Variants in SHC3 observed in about 807,000 individuals in gnomAD.
SHC3 encodes the protein SHC adaptor protein 3, also known as SHC-transforming protein 3.
SHC3 carries 15 observed loss-of-function variants against 60.4 expected under a neutral mutation model. The ratio of observed to expected loss-of-function variants is 0.25; its 90% confidence interval spans 0.17 to 0.38. The LOEUF (loss-of-function observed/expected upper bound fraction) is 0.38, where lower values mean the gene tolerates loss of function less well. Among genes scored for constraint, SHC3 ranks in the 10% least tolerant of loss-of-function variants. SHC3 has a pLI of 1.00. For missense variants in SHC3, 677 were observed against 786.1 expected (o/e 0.86, Z 1.66); for synonymous variants, 294 against 325.9 (o/e 0.90, Z 1.05).
At chr9:89,127,787 C>A (rs534312931) in intron 1 of SHC3, among the ~76,000 whole-genome samples, 2 of 151,944 alleles carry the variant, frequency 1.3e-5, no homozygotes, top group East Asian at 3.9e-4. Flanking sequence ...CCACCCCCCC[C>A]CACCACTGAG....
At chr9:89,070,009 T>C (rs1825244186) in intron 5 of SHC3, among the ~76,000 whole-genome samples, 1 of 152,204 alleles carries the variant, frequency 6.6e-6, no homozygotes, top group Non-Finnish European at 1.5e-5. Flanking sequence ...GTCCTCAACC[T>C]TGAAATGAAG....
chr9:89,137,812 A>G (rs945753641), intron 1 of SHC3, among the ~76,000 whole-genome samples: 1 of 152,206 alleles, frequency 6.6e-6, no homozygotes, highest in African/African-American at 2.4e-5. Context: ...AAAGACCCCA[A>G]AAGCAAACTC....
chr9:89,035,201 T>C lies in SHC3; in HGVS notation c.1656+2792A>G, dbSNP rs1824551269. On this transcript the variant is annotated intron_variant, in intron 11 of 11. Coordinates refer to ENST00000375835, the MANE Select transcript of SHC3 (RefSeq NM_016848.6). ...CTCAAACTGTCTTTTTCTCAATCCTTTGACTCTGCCGGACTTTGTCAGCCC... is the reference window on the plus strand; with the variant it reads ...CTCAAACTGTCTTTTTCTCAATCCTCTGACTCTGCCGGACTTTGTCAGCCC... Among the ~76,000 whole-genome samples the C allele has an allele frequency of 4.6e-5, 7 of 152,178 alleles. No homozygotes were observed. The South Asian group carries it at 1.4e-3, about 31-fold the overall frequency.
chr9:89,075,407 T>C (rs948504736), intron 3 of SHC3, among the ~76,000 whole-genome samples, 179 bp from the exon 4 acceptor site: 14 of 152,198 alleles, frequency 9.2e-5, no homozygotes, highest in African/African-American at 3.1e-4. Flanking sequence ...AAGCAAATTT[T>C]AGAATATGCA....
At chr9:89,089,106 C>T (rs1825579814) in intron 2 of SHC3, among the ~76,000 whole-genome samples, 1 of 152,168 alleles carries the variant, frequency 6.6e-6, no homozygotes, top group Non-Finnish European at 1.5e-5. Context: ...AGGTATTTCC[C>T]CTTTCTGATC....
At chr9:89,030,761 C>T (rs1377568083) in intron 11 of SHC3, among the ~76,000 whole-genome samples, 1 of 152,126 alleles carries the variant, frequency 6.6e-6, no homozygotes, top group African/African-American at 2.4e-5. Flanking sequence ...TCTCTTAACA[C>T]TCTTCTATTC....
intron 2 of SHC3, among the ~76,000 whole-genome samples, chr9:89,100,849 G>A (rs1193097237): frequency 6.6e-6 from 1 of 152,100 alleles, no homozygotes; most frequent in African/African-American, 2.4e-5. Flanking sequence ...ATTTAAGTCT[G>A]TTCTTATGCT....
At chr9:89,106,012 A>G (rs929204658) in intron 2 of SHC3, among the ~76,000 whole-genome samples, 8 of 152,208 alleles carry the variant, frequency 5.3e-5, no homozygotes, top group Non-Finnish European at 1.2e-4. Flanking sequence ...AACATCCACT[A>G]TGTGCCAGGT....
chr9:89,036,963 TA>T (rs34705440), intron 11 of SHC3, among the ~76,000 whole-genome samples: 65 of 141,948 alleles, frequency 4.6e-4, no homozygotes, highest in Middle Eastern at 3.6e-3. Flanking sequence ...ACATATATGT[TA>T]AAAAAAAAAA....
intron 5 of SHC3, among the ~76,000 whole-genome samples, chr9:89,066,569 T>A (rs1825184877): frequency 6.6e-6 from 1 of 152,076 alleles, no homozygotes. Flanking sequence ...AACCAATAAT[T>A]ATCTTAACTC....
intron 1 of SHC3, among the ~76,000 whole-genome samples, chr9:89,169,782 C>T (rs1826842459): frequency 6.6e-6 from 1 of 152,102 alleles, no homozygotes; most frequent in South Asian, 2.1e-4. Context: ...CTCATTTTAC[C>T]ATTCTCTCTA....
intron 1 of SHC3, among the ~76,000 whole-genome samples, chr9:89,173,870 A>G (rs1826905539): frequency 6.6e-6 from 1 of 152,112 alleles, no homozygotes; most frequent in Non-Finnish European, 1.5e-5. Context: ...TTCTTAAACT[A>G]TTTTTCAAAC....
At position 89,010,821 on chromosome 9, in the gene SHC3, G is replaced by C. The variant is rs1826004957; in HGVS notation, c.*2626C>G. ...TCCATTGCTTTTGCCTTGGAATCCTGAGCTCAAAGCACAGGCTGGCACACA... is the reference window on the plus strand; with the variant it reads ...TCCATTGCTTTTGCCTTGGAATCCTCAGCTCAAAGCACAGGCTGGCACACA... On this transcript the variant is annotated 3_prime_UTR_variant, in exon 12 of 12. Coordinates refer to ENST00000375835, the MANE Select transcript of SHC3 (RefSeq NM_016848.6). The C allele has an allele frequency of 6.6e-6, 1 of 152,404 alleles. No homozygotes were observed. Among genetic ancestry groups the C allele is most frequent in the African/African-American group, 2.4e-5 (1 of 41,476 alleles). 9.4% of individuals were successfully genotyped at this position (152,404 alleles called of 1,614,324 possible).
At chr9:89,145,388 A>C (rs1174167163) in intron 1 of SHC3, among the ~76,000 whole-genome samples, 1 of 152,246 alleles carries the variant, frequency 6.6e-6, no homozygotes, top group African/African-American at 2.4e-5. Flanking sequence ...GATTACAATG[A>C]TTCGCTTAAA....
chr9:89,068,087 G>A (rs1825212120), intron 5 of SHC3, among the ~76,000 whole-genome samples: 1 of 152,154 alleles, frequency 6.6e-6, no homozygotes, highest in Non-Finnish European at 1.5e-5. Context: ...TTCTGGCAGA[G>A]CAGGCAAATA....
intron 7 of SHC3, among the ~76,000 whole-genome samples, chr9:89,051,230 T>G (rs1034759945): frequency 6.6e-6 from 1 of 152,212 alleles, no homozygotes; most frequent in Non-Finnish European, 1.5e-5. Context: ...TAAAGTTTTG[T>G]TTCTAGCGAT....
At chr9:89,090,066 G>A (rs1021313366) in intron 2 of SHC3, among the ~76,000 whole-genome samples, 3 of 152,230 alleles carry the variant, frequency 2.0e-5, no homozygotes, top group East Asian at 1.9e-4. Flanking sequence ...CACGGTCAGC[G>A]AGGCCCTGCA....
At chr9:89,084,781 C>T (rs2118036260) in intron 2 of SHC3, among the ~76,000 whole-genome samples, 1 of 152,300 alleles carries the variant, frequency 6.6e-6, no homozygotes, top group South Asian at 2.1e-4. Flanking sequence ...GAGCCAAGTT[C>T]TCAGGCAATG....
intron 1 of SHC3, among the ~76,000 whole-genome samples, chr9:89,135,646 T>C: frequency 6.6e-6 from 1 of 152,180 alleles, no homozygotes; most frequent in Non-Finnish European, 1.5e-5. Context: ...GTACACCTGT[T>C]ATAAAATTCT....
Sources: gnomAD v4.1 joint callset for allele counts (sites outside exome capture counted in the v4.1 genomes callset) on GRCh38, gnomAD v4.1.1 for gene constraint, MANE v1.5 for transcripts, NCBI Gene and HGNC (gene_info 2026-07-23, HGNC 2026-07-21) for gene names.